The following RAPGEF1 variants were observed in gnomAD, a reference collection of about 807,000 sequenced individuals.
The protein encoded by RAPGEF1 is Rap guanine nucleotide exchange factor 1.
In RAPGEF1, 33 loss-of-function variants were observed where a neutral mutation model predicts 143.3. That is an observed-to-expected ratio of 0.23 (90% CI 0.17 to 0.31). The LOEUF (loss-of-function observed/expected upper bound fraction) is 0.31. Among genes scored for constraint, RAPGEF1 ranks in the 10% least tolerant of loss-of-function variants. The pLI is 1.00. For synonymous variants in RAPGEF1, 629 were observed against 676.5 expected (o/e 0.93, Z 1.09); for missense variants, 1,199 against 1,645.4 (o/e 0.73, Z 4.69).
At chr9:131,734,559 C>A (rs933425912) in intron 1 of RAPGEF1, among the ~76,000 whole-genome samples, 2 of 152,156 alleles carry the variant, frequency 1.3e-5, no homozygotes, top group African/African-American at 4.8e-5. Context: ...AGAGCAGGTG[C>A]CATCAAAATG....
intron 10 of RAPGEF1, among the ~76,000 whole-genome samples, chr9:131,622,805 T>C (rs2132888979): frequency 6.6e-6 from 1 of 151,710 alleles, no homozygotes; most frequent in East Asian, 1.9e-4. Flanking sequence ...TTCGCTCTTG[T>C]TGCCCAGGCT....
At chr9:131,605,763 CTTT>C (rs34279999) in intron 12 of RAPGEF1, among the ~76,000 whole-genome samples, 15 of 143,216 alleles carry the variant, frequency 1.0e-4, no homozygotes, top group Admixed American at 1.4e-4. Flanking sequence ...TTCTTTCTTT[CTTT>C]TTTTTTTTTT....
At chr9:131,589,501 G>C (rs1267632587) in intron 19 of RAPGEF1, among the ~76,000 whole-genome samples, 2 of 152,260 alleles carry the variant, frequency 1.3e-5, no homozygotes, top group African/African-American at 4.8e-5. Context: ...CATGCTGTCA[G>C]ATGGCCAGCC....
At chr9:131,614,187 C>T (rs1466982754) in intron 12 of RAPGEF1, among the ~76,000 whole-genome samples, 2 of 152,208 alleles carry the variant, frequency 1.3e-5, no homozygotes, top group Admixed American at 6.5e-5. Flanking sequence ...CTCCCACCCC[C>T]GGCTACCGGG....
At position 131,605,012 on chromosome 9, in the gene RAPGEF1, G is replaced by T; in HGVS notation, c.2238C>A (p.Asp746Glu). Residue 746 changes from aspartate to glutamate, a missense_variant, in exon 13 of 27, where the codon GAC (aspartate) becomes GAA (glutamate). This residue lies in a region of RAPGEF1 where 293 missense variants were observed against 356.2 expected (regional missense o/e 0.82). Coordinates refer to ENST00000683357, the MANE Select transcript of RAPGEF1 (RefSeq NM_001377935.1). The part of the protein sequence containing the change: ...TMAGPPPSTV[D>E]GPLSASQESS... The stretch of plus-strand genomic sequence containing the variant: ...TCTCCTGAGAAGCCGAGAGAGGCCC[G>T]TCCACGGTGCTGGGAGGTGGACCGG... The T allele has an allele frequency of 2.2e-6, 3 of 1,359,394 alleles. 1 individual carries two copies. In the South Asian group the frequency reaches 3.5e-5, roughly 16 times the overall value. The allele number at this position is 1,359,394 out of a possible 1,614,324, so 84.2% of individuals were successfully genotyped here.
chr9:131,717,629 G>A (rs185079564), intron 1 of RAPGEF1, among the ~76,000 whole-genome samples: 8 of 152,088 alleles, frequency 5.3e-5, no homozygotes, highest in Admixed American at 1.3e-4. Flanking sequence ...AGATATTAGC[G>A]AGGCATGGTG....
rs767136792 is a variant in RAPGEF1 at position 131,628,635 on chromosome 9, C to T, written c.931G>A (p.Ala311Thr). ...PALPPKKRQSAPSPTRVAVVA... is the reference protein window; with the variant it reads ...PALPPKKRQSTPSPTRVAVVA... Reference sequence around the variant, plus strand: ...ACAGCCACTCGGGTAGGGGACGGCGCCGACTGTCTTTTCTTGGGTGGCAAT... The same window carrying T: ...ACAGCCACTCGGGTAGGGGACGGCGTCGACTGTCTTTTCTTGGGTGGCAAT... Residue 311 changes from alanine (A) to threonine (T), a missense_variant, in exon 8 of 27, where the codon GCG becomes ACG. Physicochemically the swap from Ala to Thr is moderately conservative, Grantham distance 58. Coordinates refer to ENST00000683357, the MANE Select transcript of RAPGEF1 (RefSeq NM_001377935.1). The surrounding 1 kb of genome is among the most constrained non-coding windows in gnomAD (Gnocchi z 5.7). The T allele has an allele frequency of 1.2e-6, 2 of 1,610,768 alleles. No individual in the cohort carries two copies. Among genetic ancestry groups the T allele is most frequent in the Non-Finnish European group, 1.7e-6 (2 of 1,177,286 alleles).
Position 131,580,247 on chromosome 9 carries a change from G to A in RAPGEF1, c.3641+16C>T. Reference sequence around the variant, plus strand: ...GGCTCAGCTCTGCCTGGTCCCCCCGGGGCAGTGGCACTCACGCCTGCTGGA... The same window carrying A: ...GGCTCAGCTCTGCCTGGTCCCCCCGAGGCAGTGGCACTCACGCCTGCTGGA... On this transcript the variant is annotated intron_variant, in intron 26 of 26. Transcript: ENST00000683357. The A allele has an allele frequency of 1.9e-6, 3 of 1,613,548 alleles. No individual in the cohort carries two copies. The highest frequency in any genetic ancestry group is 2.5e-6 in the Non-Finnish European group (3 of 1,179,608).
chr9:131,709,681 C>T, intron 1 of RAPGEF1: 1 of 1,613,946 alleles, frequency 6.2e-7, no homozygotes, highest in East Asian at 2.2e-5. Flanking sequence ...TAGCATTGCC[C>T]ATTTTAAAGC....
chr9:131,703,504 GGACA>G (rs2131140093), intron 1 of RAPGEF1, among the ~76,000 whole-genome samples: 1 of 152,264 alleles, frequency 6.6e-6, no homozygotes, highest in East Asian at 1.9e-4. Flanking sequence ...CACTTTGCAT[GGACA>G]GACTCCTTCA....
intron 12 of RAPGEF1, among the ~76,000 whole-genome samples, chr9:131,607,373 C>T (rs559992872): frequency 6.6e-6 from 1 of 152,228 alleles, no homozygotes; most frequent in African/African-American, 2.4e-5. Context: ...CAACGTTTCA[C>T]AGCAATTACC....
intron 5 of RAPGEF1, among the ~76,000 whole-genome samples, chr9:131,636,867 C>T (rs1966499009): frequency 6.6e-6 from 1 of 152,206 alleles, no homozygotes; most frequent in South Asian, 2.1e-4. Flanking sequence ...TCACAACAGC[C>T]ACCCTGGGCT....
At chr9:131,682,056 T>C (rs1189574255) in intron 1 of RAPGEF1, among the ~76,000 whole-genome samples, 3 of 152,262 alleles carry the variant, frequency 2.0e-5, no homozygotes, top group South Asian at 4.1e-4. Flanking sequence ...GTAATCTGCA[T>C]AAAGCTACTC....
intron 1 of RAPGEF1, among the ~76,000 whole-genome samples, chr9:131,674,933 G>A (rs1184419414): frequency 6.6e-6 from 1 of 152,066 alleles, no homozygotes; most frequent in African/African-American, 2.4e-5. Context: ...AGGGGTGGGG[G>A]TGGCCTCCCC....
chr9:131,627,201 GA>G (rs1430398403), intron 9 of RAPGEF1, among the ~76,000 whole-genome samples: 6 of 118,418 alleles, frequency 5.1e-5, no homozygotes, highest in African/African-American at 1.4e-4. Context: ...GTGACAGAGT[GA>G]GGCTCTGTCT....
chr9:131,739,499 C>A (rs1366565725), intron 1 of RAPGEF1, among the ~76,000 whole-genome samples: 1 of 151,794 alleles, frequency 6.6e-6, no homozygotes, highest in African/African-American at 2.4e-5. Context: ...TCCCGGGGAC[C>A]GCGGAGCGGC....
intron 20 of RAPGEF1, among the ~76,000 whole-genome samples, 178 bp downstream of exon 20, chr9:131,588,623 T>C (rs1447723522): frequency 6.6e-6 from 1 of 152,176 alleles, no homozygotes; most frequent in Non-Finnish European, 1.5e-5. Context: ...CCACCCAATA[T>C]GTGCCTCCTG....
intron 5 of RAPGEF1, among the ~76,000 whole-genome samples, chr9:131,631,072 C>A (rs932112243): frequency 6.6e-6 from 1 of 152,012 alleles, no homozygotes; most frequent in African/African-American, 2.4e-5. Context: ...CAATCTGCCC[C>A]GCCCCAACTG....
intron 1 of RAPGEF1, among the ~76,000 whole-genome samples, chr9:131,730,087 A>G (rs559599498): frequency 5.3e-5 from 8 of 150,028 alleles, no homozygotes; most frequent in South Asian, 4.3e-4. Context: ...CCAGCTACTC[A>G]GGAGGCTGAG....
Sources: gnomAD v4.1 joint callset for allele counts (sites outside exome capture counted in the v4.1 genomes callset) on GRCh38, gnomAD v4.1.1 for gene constraint, gnomAD v4.1.1 regional missense constraint, Gnocchi (gnomAD v3.1) non-coding constraint, MANE v1.5 for transcripts, NCBI Gene and HGNC (gene_info 2026-07-23, HGNC 2026-07-21) for gene names.